BRINP3: variants seen among roughly 807,000 people sequenced by gnomAD.
BRINP3 encodes BMP/retinoic acid-inducible neural-specific protein 3.
BRINP3 carries 19 observed loss-of-function variants against 71.0 expected under a neutral mutation model. The ratio of observed to expected loss-of-function variants is 0.27; its 90% CI spans 0.19 to 0.39. The LOEUF is 0.39. Ranked by LOEUF, BRINP3 falls within the 10% of genes least tolerant of loss-of-function variation. The pLI, the probability that BRINP3 is intolerant of heterozygous loss-of-function variation, is 1.00. For synonymous variants in BRINP3, 380 were observed against 337.7 expected, an observed-to-expected ratio of 1.13 and a Z score of -1.37; for missense variants, 959 against 940.8, an observed-to-expected ratio of 1.02 and a Z score of -0.25.
intron 2 of BRINP3, among the ~76,000 whole-genome samples, chr1:190,285,263 C>T (rs1172418007): frequency 1.3e-5 from 2 of 151,964 alleles, no homozygotes; most frequent in African/African-American, 2.4e-5. Flanking sequence ...CCCTTTTTCC[C>T]GAATACAAGA....
intron 2 of BRINP3, among the ~76,000 whole-genome samples, chr1:190,406,835 A>G: frequency 6.6e-6 from 1 of 152,242 alleles, no homozygotes; most frequent in Non-Finnish European, 1.5e-5. Context: ...TACCTTTTAT[A>G]ACTAATTCAC....
chr1:190,259,703 G>A (rs1423500144), intron 4 of BRINP3, among the ~76,000 whole-genome samples: 1 of 151,674 alleles, frequency 6.6e-6, no homozygotes, highest in Non-Finnish European at 1.5e-5. Context: ...AAGTACAATT[G>A]TCTCTGTTTG....
chr1:190,252,335 A>G (rs946031108), intron 4 of BRINP3, among the ~76,000 whole-genome samples: 2 of 152,104 alleles, frequency 1.3e-5, no homozygotes, highest in African/African-American at 4.8e-5. Flanking sequence ...TAGAATATAC[A>G]GAATTATTAT....
At chr1:190,234,795 G>C (rs1167945809) in intron 4 of BRINP3, among the ~76,000 whole-genome samples, 3 of 152,126 alleles carry the variant, frequency 2.0e-5, no homozygotes, top group Non-Finnish European at 4.4e-5. Flanking sequence ...CCTTATGGAA[G>C]ACAGCGAGTT....
At chr1:190,417,749 T>C (rs1673104157) in intron 2 of BRINP3, among the ~76,000 whole-genome samples, 1 of 152,208 alleles carries the variant, frequency 6.6e-6, no homozygotes, top group South Asian at 2.1e-4. Context: ...TTTAATATGA[T>C]ATAAGGTACT....
chr1:190,353,336 A>G (rs2102061574), intron 2 of BRINP3, among the ~76,000 whole-genome samples: 1 of 152,156 alleles, frequency 6.6e-6, no homozygotes, highest in Middle Eastern at 3.4e-3. Context: ...TTGTAAGCCA[A>G]GAATTCCTCA....
chr1:190,142,755 T>C (rs1655562634), intron 7 of BRINP3, among the ~76,000 whole-genome samples: 1 of 152,022 alleles, frequency 6.6e-6, no homozygotes, highest in Non-Finnish European at 1.5e-5. Flanking sequence ...AATATGGAAT[T>C]GAAGTATGCC....
At chr1:190,260,545 C>CATAT (rs200049109) in intron 4 of BRINP3, among the ~76,000 whole-genome samples, 3 of 150,362 alleles carry the variant, frequency 2.0e-5, no homozygotes, top group Non-Finnish European at 4.4e-5. Context: ...GTTTTAAAAA[C>CATAT]ATATATATAT....
intron 6 of BRINP3, among the ~76,000 whole-genome samples, chr1:190,189,509 C>A (rs1028719212): frequency 3.3e-5 from 5 of 151,820 alleles, no homozygotes; most frequent in African/African-American, 9.7e-5. Context: ...ATTAAATTTA[C>A]AATTTTTTCT....
chr1:190,298,724 C>A (rs1558157543), intron 2 of BRINP3, among the ~76,000 whole-genome samples: 1 of 152,174 alleles, frequency 6.6e-6, no homozygotes, highest in Non-Finnish European at 1.5e-5. Flanking sequence ...AGATTTGTCT[C>A]ATGACTCTTA....
chr1:190,400,494 C>T (rs1030816179), intron 2 of BRINP3, among the ~76,000 whole-genome samples: 2 of 152,070 alleles, frequency 1.3e-5, no homozygotes, highest in Admixed American at 6.5e-5. Flanking sequence ...AGGAAAATTC[C>T]GGTTGTTTCA....
At chr1:190,191,524 T>C (rs1395108515) in intron 6 of BRINP3, among the ~76,000 whole-genome samples, 4 of 152,112 alleles carry the variant, frequency 2.6e-5, no homozygotes, top group Admixed American at 6.6e-5. Context: ...TCTGTTCTTA[T>C]GTTAGTTTGC....
intron 6 of BRINP3, among the ~76,000 whole-genome samples, chr1:190,163,273 T>TA (rs1651179395): frequency 6.6e-6 from 1 of 152,048 alleles, no homozygotes; most frequent in African/African-American, 2.4e-5. Flanking sequence ...ATGTAAAAAA[T>TA]AAAGTATTAT....
chr1:190,255,236 C>CTTT (rs201421106), intron 4 of BRINP3, among the ~76,000 whole-genome samples: 24 of 134,644 alleles, frequency 1.8e-4, no homozygotes, highest in African/African-American at 4.3e-4. Context: ...AAAATTCTCT[C>CTTT]TTTTTTTTTT....
intron 2 of BRINP3, among the ~76,000 whole-genome samples, chr1:190,442,199 T>G (rs1674869719): frequency 6.6e-6 from 1 of 152,212 alleles, no homozygotes; most frequent in Non-Finnish European, 1.5e-5. Context: ...ATGGTTAAGT[T>G]TTGAAAGATT....
chr1:190,289,515 A>G (rs911480470), intron 2 of BRINP3, among the ~76,000 whole-genome samples: 2 of 151,954 alleles, frequency 1.3e-5, no homozygotes, highest in Non-Finnish European at 2.9e-5. Context: ...TACAAGGTAT[A>G]AATTTTTTAT....
chr1:190,299,145 C>T (rs1664480237), intron 2 of BRINP3, among the ~76,000 whole-genome samples: 1 of 151,824 alleles, frequency 6.6e-6, no homozygotes, highest in Non-Finnish European at 1.5e-5. Context: ...TAATGTTTAC[C>T]TATTATGTCA....
intron 4 of BRINP3, among the ~76,000 whole-genome samples, chr1:190,249,581 T>C (rs920296634): frequency 6.6e-6 from 1 of 151,902 alleles, no homozygotes; most frequent in Non-Finnish European, 1.5e-5. Context: ...TAATATATTA[T>C]GTCAAAAATA....
intron 2 of BRINP3, among the ~76,000 whole-genome samples, chr1:190,368,993 T>C (rs1014140541): frequency 1.3e-5 from 2 of 152,140 alleles, no homozygotes; most frequent in African/African-American, 2.4e-5. Flanking sequence ...GTTATTAGAC[T>C]GTGAGAAATA....
Sources: gnomAD v4.1 joint callset for allele counts (sites outside exome capture counted in the v4.1 genomes callset) on GRCh38, gnomAD v4.1.1 for gene constraint, MANE v1.5 for transcripts, NCBI Gene and HGNC (gene_info 2026-07-23, HGNC 2026-07-21) for gene names.